SKAP1: variants seen among roughly 807,000 people sequenced by gnomAD.
SKAP1 encodes the protein src kinase-associated phosphoprotein 1.
Under a neutral mutation model 58.5 loss-of-function variants are expected in SKAP1, and 44 were observed. That is an observed-to-expected ratio of 0.75 (90% CI 0.59 to 0.97). The LOEUF (loss-of-function observed/expected upper bound fraction) is 0.97, where lower values mean the gene tolerates loss of function less well. Ranked by LOEUF, SKAP1 falls within the 50% of genes least tolerant of loss-of-function variation. SKAP1 has a pLI of 0.00. For missense variants in SKAP1, 390 were observed against 435.2 expected (o/e 0.90, Z 0.92); for synonymous variants, 127 against 149.7 (o/e 0.85, Z 1.11).
At chr17:48,290,816 C>A (rs1477730724) in intron 4 of SKAP1, among the ~76,000 whole-genome samples, 2 of 152,038 alleles carry the variant, frequency 1.3e-5, no homozygotes, top group Admixed American at 1.3e-4. Flanking sequence ...TTTAAATATT[C>A]AAAGAAAAGA....
intron 4 of SKAP1, among the ~76,000 whole-genome samples, chr17:48,273,915 C>T (rs1212192905): frequency 6.6e-6 from 1 of 151,422 alleles, no homozygotes; most frequent in Non-Finnish European, 1.5e-5. Flanking sequence ...GATTTATATT[C>T]TATTTTAAAA....
chr17:48,277,957 A>G (rs911570626), intron 4 of SKAP1, among the ~76,000 whole-genome samples: 1 of 152,202 alleles, frequency 6.6e-6, no homozygotes, highest in Non-Finnish European at 1.5e-5. Flanking sequence ...AGTAATCTCT[A>G]TGATGTGGGA....
At chr17:48,179,600 G>A (rs773152335) in intron 9 of SKAP1, among the ~76,000 whole-genome samples, 1 of 152,176 alleles carries the variant, frequency 6.6e-6, no homozygotes, top group Non-Finnish European at 1.5e-5. Context: ...TCAAGGTTTG[G>A]TCTATCAAGG....
intron 4 of SKAP1, among the ~76,000 whole-genome samples, chr17:48,278,894 C>T (rs1264531391): frequency 6.6e-6 from 1 of 152,168 alleles, no homozygotes; most frequent in Non-Finnish European, 1.5e-5. Context: ...CTATCCTCCC[C>T]TCTTACACAC....
intron 4 of SKAP1, among the ~76,000 whole-genome samples, chr17:48,197,156 G>A (rs547064310): frequency 1.3e-5 from 2 of 151,798 alleles, no homozygotes; most frequent in South Asian, 2.1e-4. Context: ...TACTTGGGAG[G>A]CTGAGGCAGG....
At chr17:48,361,071 GTACTATACTA>G (rs67180445) in intron 3 of SKAP1, among the ~76,000 whole-genome samples, 17,905 of 145,354 alleles carry the variant, frequency 0.12, 1,084 homozygotes, top group African/African-American at 0.13. Flanking sequence ...AACTTGTACT[GTACTATACTA>G]TACTATACTA....
chr17:48,291,654 T>C (rs1003226944), intron 4 of SKAP1, among the ~76,000 whole-genome samples: 7 of 152,340 alleles, frequency 4.6e-5, no homozygotes, highest in African/African-American at 1.2e-4. Flanking sequence ...AATTATTCCA[T>C]TGAGGTGTGT....
At position 48,348,952 on chromosome 17, in the gene SKAP1, C is replaced by T. The variant is rs191546904; in HGVS notation, c.179-2946G>A. ...GTCAGTAGTACAAATGGTTGTGGTG[C>T]GGGAACATTTAGAAATAAGCTTTAC... is the stretch of plus-strand genomic sequence containing the variant. On this transcript the variant is annotated intron_variant, in intron 3 of 12. Coordinates refer to ENST00000336915, the MANE Select transcript of SKAP1 (RefSeq NM_003726.4). Among the ~76,000 whole-genome samples, 87 of 152,254 alleles carry T rather than the reference C, an allele frequency of 5.7e-4. 1 individual carries two copies. Among genetic ancestry groups the T allele is most frequent in the African/African-American group, 1.5e-3 (64 of 41,550 alleles).
intron 11 of SKAP1, among the ~76,000 whole-genome samples, chr17:48,148,995 T>C (rs977454467): frequency 6.6e-6 from 1 of 152,168 alleles, no homozygotes; most frequent in African/African-American, 2.4e-5. Flanking sequence ...CTCTTTTCCT[T>C]GCACCTTGCT....
At chr17:48,405,033 T>TCATA (rs775360508) in intron 1 of SKAP1, among the ~76,000 whole-genome samples, 6 of 152,282 alleles carry the variant, frequency 3.9e-5, no homozygotes, top group Non-Finnish European at 5.9e-5. Context: ...ACCTGTTATG[T>TCATA]GCTAAGTAAC....
chr17:48,423,790 T>C (rs1250125236), intron 1 of SKAP1, among the ~76,000 whole-genome samples: 4 of 152,186 alleles, frequency 2.6e-5, no homozygotes, highest in Non-Finnish European at 5.9e-5. Context: ...AGGATCTCAC[T>C]ACATTACCCA....
chr17:48,230,562 C>T (rs1440234851), intron 4 of SKAP1, among the ~76,000 whole-genome samples: 2 of 151,982 alleles, frequency 1.3e-5, no homozygotes, highest in African/African-American at 2.4e-5. Context: ...TGAGACCAGC[C>T]TGGGCAACAT....
At chr17:48,160,905 C>T (rs2064059753) in intron 11 of SKAP1, among the ~76,000 whole-genome samples, 1 of 152,192 alleles carries the variant, frequency 6.6e-6, no homozygotes, top group African/African-American at 2.4e-5. Flanking sequence ...ACCAATCAGG[C>T]CAATGTCCAC....
chr17:48,422,494 C>G (rs1360625666), intron 1 of SKAP1, among the ~76,000 whole-genome samples: 1 of 152,074 alleles, frequency 6.6e-6, no homozygotes, highest in Non-Finnish European at 1.5e-5. Context: ...CCACTATTAT[C>G]TCAATACTAC....
chr17:48,352,504 G>A (rs759789617), intron 3 of SKAP1, among the ~76,000 whole-genome samples: 11 of 152,080 alleles, frequency 7.2e-5, no homozygotes, highest in African/African-American at 1.4e-4. Flanking sequence ...GGAATTATTG[G>A]CTCATAGTTC....
intron 4 of SKAP1, among the ~76,000 whole-genome samples, chr17:48,200,911 A>G (rs1567818160): frequency 6.6e-6 from 1 of 152,240 alleles, no homozygotes; most frequent in Non-Finnish European, 1.5e-5. Flanking sequence ...GTAGGTACCC[A>G]ATAATGTTTG....
chr17:48,376,854 G>A (rs961927990), intron 2 of SKAP1, among the ~76,000 whole-genome samples: 1 of 152,182 alleles, frequency 6.6e-6, no homozygotes, highest in African/African-American at 2.4e-5. Flanking sequence ...ACCCATGTCT[G>A]ACTAATGCCA....
intron 2 of SKAP1, among the ~76,000 whole-genome samples, chr17:48,395,860 A>G (rs535648089): frequency 1.3e-5 from 2 of 152,338 alleles, no homozygotes; most frequent in Admixed American, 6.5e-5. Flanking sequence ...CTCTGCTTCT[A>G]TGGAGTTTCA....
At chr17:48,384,348 T>C (rs548574357) in intron 2 of SKAP1, among the ~76,000 whole-genome samples, 1 of 152,230 alleles carries the variant, frequency 6.6e-6, no homozygotes, top group East Asian at 1.9e-4. Flanking sequence ...TGTAAGATAA[T>C]GAGTTCAGTT....
Sources: gnomAD v4.1 joint callset for allele counts (sites outside exome capture counted in the v4.1 genomes callset) on GRCh38, gnomAD v4.1.1 for gene constraint, MANE v1.5 for transcripts, NCBI Gene and HGNC (gene_info 2026-07-23, HGNC 2026-07-21) for gene names.